The following RUNDC3B variants were observed in gnomAD, a reference collection of about 807,000 sequenced individuals.
RUNDC3B encodes RUN domain containing 3B.
Under a neutral mutation model 58.4 loss-of-function variants are expected in RUNDC3B, and 33 were observed. The observed-to-expected ratio is 0.56, with a 90% CI of 0.43 to 0.75. RUNDC3B has a LOEUF of 0.75. RUNDC3B is among the 30% of genes least tolerant of loss of function. The pLI, the probability that RUNDC3B is intolerant of heterozygous loss-of-function variation, is 0.00. For missense variants in RUNDC3B, 501 were observed against 535.7 expected (o/e 0.94, Z 0.64); for synonymous variants, 193 against 195.2 (o/e 0.99, Z 0.10).
At chr7:87,760,389 A>T (rs1833610602) in intron 6 of RUNDC3B, among the ~76,000 whole-genome samples, 1 of 152,180 alleles carries the variant, frequency 6.6e-6, no homozygotes, top group Non-Finnish European at 1.5e-5. Context: ...TCATATTCTT[A>T]AGATGGCAAT....
intron 2 of RUNDC3B, among the ~76,000 whole-genome samples, chr7:87,682,519 G>A (rs1009857715): frequency 3.3e-5 from 5 of 152,192 alleles, no homozygotes; most frequent in Non-Finnish European, 5.9e-5. Flanking sequence ...TGGATGTTGT[G>A]TTAGAAGCCA....
At chr7:87,638,780 GTTTGAC>G (rs1182510346) in intron 1 of RUNDC3B, among the ~76,000 whole-genome samples, 1 of 151,810 alleles carries the variant, frequency 6.6e-6, no homozygotes, top group Non-Finnish European at 1.5e-5. Context: ...AAGAACCAGC[GTTTGAC>G]TTTGTTGAGT....
chr7:87,822,742 C>T (rs1837550254), intron 10 of RUNDC3B, among the ~76,000 whole-genome samples: 1 of 152,106 alleles, frequency 6.6e-6, no homozygotes, highest in African/African-American at 2.4e-5. Context: ...TTTATAGGGA[C>T]ATGGATGAAA....
intron 1 of RUNDC3B, among the ~76,000 whole-genome samples, chr7:87,631,752 G>T (rs1039669061): frequency 4.6e-5 from 7 of 152,108 alleles, no homozygotes; most frequent in African/African-American, 1.4e-4. Flanking sequence ...GAAAGAAGTT[G>T]ATCTGGTGGA....
At chr7:87,688,794 A>C (rs1827731405) in intron 2 of RUNDC3B, among the ~76,000 whole-genome samples, 1 of 151,958 alleles carries the variant, frequency 6.6e-6, no homozygotes, top group Non-Finnish European at 1.5e-5. Context: ...TTTGAGTCAT[A>C]TTATTGTAGC....
chr7:87,770,945 T>C (rs1834242780), intron 7 of RUNDC3B, among the ~76,000 whole-genome samples, 196 bp downstream of exon 7: 1 of 152,252 alleles, frequency 6.6e-6, no homozygotes, highest in African/African-American at 2.4e-5. Context: ...TTTCCAATTT[T>C]ATGTTTTAAC....
intron 2 of RUNDC3B, among the ~76,000 whole-genome samples, chr7:87,666,000 C>T (rs373640934): frequency 5.3e-5 from 8 of 152,114 alleles, no homozygotes; most frequent in Admixed American, 1.3e-4. Context: ...GGTATATACC[C>T]GGTAATGGGA....
chr7:87,703,888 TTTTTTTTTTTTTTTTTTTTTTTTTGG>T, intron 3 of RUNDC3B, among the ~76,000 whole-genome samples: 3 of 100,850 alleles, frequency 3.0e-5, no homozygotes, highest in Non-Finnish European at 3.9e-5. Flanking sequence ...GTTTTTTCTT[TTTTTTTTTTTTTTTTTTTTTTTTTGG>T]TTTTTTTTTT....
rs1459884288 is a variant in RUNDC3B at position 87,629,105 on chromosome 7, G to A, written c.122+160G>A. The A allele has an allele frequency of 1.8e-5, 11 of 624,702 alleles. No individual in the cohort carries two copies. The East Asian group carries it at 3.8e-4, about 22-fold the overall frequency. 38.7% of individuals were successfully genotyped at this position (624,702 alleles called of 1,614,324 possible). A position where few individuals can be genotyped will look rare whatever the true frequency, so the allele number is the denominator to read the frequency against. ...CTGTGAGCGCGCAGCTCCTTGGACA[G>A]GGGCCCGGGTCTGGACACCGTCGCA... is the stretch of plus-strand genomic sequence containing the variant. On this transcript the variant is annotated intron_variant, in intron 1 of 10. Coordinates refer to ENST00000394654, the MANE Select transcript of RUNDC3B (RefSeq NM_001134405.2).
At chr7:87,656,962 C>G (rs1215222408) in intron 2 of RUNDC3B, among the ~76,000 whole-genome samples, 1 of 152,084 alleles carries the variant, frequency 6.6e-6, no homozygotes, top group Non-Finnish European at 1.5e-5. Flanking sequence ...AAACAAAAAT[C>G]CCTGCCCTCA....
At chr7:87,658,551 T>C (rs2130431938) in intron 2 of RUNDC3B, among the ~76,000 whole-genome samples, 1 of 151,932 alleles carries the variant, frequency 6.6e-6, no homozygotes, top group Non-Finnish European at 1.5e-5. Context: ...AAACCACAAA[T>C]AGGAAAAATT....
At chr7:87,748,412 T>C (rs1471722948) in intron 6 of RUNDC3B, among the ~76,000 whole-genome samples, 1 of 152,172 alleles carries the variant, frequency 6.6e-6, no homozygotes, top group Non-Finnish European at 1.5e-5. Context: ...GTAGGCTTTT[T>C]CTTACAGTCG....
chr7:87,755,111 C>T (rs1224562130), intron 6 of RUNDC3B, among the ~76,000 whole-genome samples: 1 of 151,714 alleles, frequency 6.6e-6, no homozygotes, highest in Admixed American at 6.6e-5. Context: ...CAACTTCTGC[C>T]TCCCGGGTTC....
At chr7:87,794,625 CA>C (rs199533628) in intron 8 of RUNDC3B, among the ~76,000 whole-genome samples, 20,202 of 122,438 alleles carry the variant, frequency 0.16, 1,892 homozygotes, top group African/African-American at 0.31. Context: ...TTTATAGAAA[CA>C]AAAAAAAAAA....
chr7:87,767,184 C>A (rs1834019828), intron 6 of RUNDC3B, among the ~76,000 whole-genome samples: 1 of 152,130 alleles, frequency 6.6e-6, no homozygotes. Context: ...TCTCTTAGAT[C>A]TCATTTAACT....
chr7:87,763,548 G>T (rs1449671451), intron 6 of RUNDC3B, among the ~76,000 whole-genome samples: 2 of 150,998 alleles, frequency 1.3e-5, no homozygotes, highest in African/African-American at 4.9e-5. Context: ...GTATGACAGG[G>T]GTTTTTTAGT....
chr7:87,665,809 G>A (rs1037521877), intron 2 of RUNDC3B, among the ~76,000 whole-genome samples: 6 of 151,950 alleles, frequency 3.9e-5, no homozygotes, highest in African/African-American at 1.2e-4. Flanking sequence ...TTCTGTTCCC[G>A]CATTATTTCA....
chr7:87,656,726 A>T (rs1055826400), intron 2 of RUNDC3B, among the ~76,000 whole-genome samples: 25 of 152,154 alleles, frequency 1.6e-4, no homozygotes, highest in African/African-American at 5.6e-4. Context: ...AGGAAAATCA[A>T]TTGATTTGTT....
At chr7:87,682,971 C>T (rs1275930951) in intron 2 of RUNDC3B, among the ~76,000 whole-genome samples, 1 of 152,170 alleles carries the variant, frequency 6.6e-6, no homozygotes, top group East Asian at 1.9e-4. Context: ...GTGTAGCCAC[C>T]TTCATCAGTT....
Sources: allele counts gnomAD v4.1 joint callset (sites outside exome capture counted in the v4.1 genomes callset), GRCh38; gene constraint gnomAD v4.1.1; transcripts MANE v1.5; gene names NCBI Gene and HGNC (gene_info 2026-07-23, HGNC 2026-07-21).